ERCC6L2: variants seen among roughly 807,000 people sequenced by gnomAD.
ERCC6L2 encodes the protein DNA excision repair protein ERCC-6-like 2.
A neutral mutation model predicts 132.0 loss-of-function variants in ERCC6L2; 77 were observed. The ratio of observed to expected loss-of-function variants is 0.58; its 90% CI spans 0.49 to 0.71. The LOEUF (loss-of-function observed/expected upper bound fraction) is 0.71, where lower values mean the gene tolerates loss of function less well. Ranked by LOEUF, ERCC6L2 falls within the 30% of genes least tolerant of loss-of-function variation. The pLI is 0.00. For missense variants in ERCC6L2, 1,542 were observed against 1,837.6 expected (o/e 0.84, Z 2.94); for synonymous variants, 583 against 632.4 (o/e 0.92, Z 1.17).
At chr9:95,995,882 T>C (rs1833455076) in intron 17 of ERCC6L2, among the ~76,000 whole-genome samples, 1 of 152,214 alleles carries the variant, frequency 6.6e-6, no homozygotes, top group Non-Finnish European at 1.5e-5. Context: ...CCATTTTCCC[T>C]CTATCCCTCT....
At chr9:96,005,307 T>C (rs1833828867) in intron 18 of ERCC6L2, among the ~76,000 whole-genome samples, 2 of 151,392 alleles carry the variant, frequency 1.3e-5, no homozygotes, top group Non-Finnish European at 2.9e-5. Flanking sequence ...AGCGAGACTC[T>C]GTCTCAAAAA....
Position 96,017,807 on chromosome 9 carries a change from G to A in ERCC6L2, c.*4604G>A, listed in dbSNP as rs1834213383. ...TGTCCACGCATATTTGAACATCTGTGTTCATAGTGGCATTATTCACAATGG... is the reference window on the plus strand; with the variant it reads ...TGTCCACGCATATTTGAACATCTGTATTCATAGTGGCATTATTCACAATGG... On this transcript the variant is annotated 3_prime_UTR_variant, in exon 19 of 19. Transcript: ENST00000653738. Among the ~76,000 whole-genome samples the A allele has an allele frequency of 6.6e-6, 1 of 152,162 alleles. No individual in the cohort carries two copies. Among genetic ancestry groups the A allele is most frequent in the Non-Finnish European group, 1.5e-5 (1 of 68,038 alleles).
intron 19 of ERCC6L2, chr9:96,038,730 T>A (rs1309286940): frequency 2.5e-6 from 1 of 397,002 alleles, no homozygotes; most frequent in African/African-American, 2.1e-5. Context: ...GTGGTGGTTT[T>A]AAAATGTGTC....
chr9:95,905,344 C>T (rs1346340748), intron 3 of ERCC6L2, among the ~76,000 whole-genome samples: 3 of 152,056 alleles, frequency 2.0e-5, no homozygotes, highest in African/African-American at 7.2e-5. Context: ...TTTTGAAGAC[C>T]AATGTTTGTA....
chr9:96,007,636 C>T (rs550410258), intron 18 of ERCC6L2, among the ~76,000 whole-genome samples: 3 of 152,142 alleles, frequency 2.0e-5, no homozygotes, highest in Admixed American at 6.5e-5. Flanking sequence ...TTGCAAGGGC[C>T]GCATGGGAAG....
chr9:95,928,572 A>G (rs1245929724), intron 10 of ERCC6L2, 147 bp from the exon 11 acceptor site: 2 of 676,262 alleles, frequency 3.0e-6, no homozygotes, highest in Non-Finnish European at 4.6e-6. Flanking sequence ...ATGGGTCAGA[A>G]GTGAGAAAAA....
intron 17 of ERCC6L2, among the ~76,000 whole-genome samples, chr9:95,986,491 T>G (rs1833099345): frequency 7.0e-6 from 1 of 142,144 alleles, no homozygotes; most frequent in Non-Finnish European, 1.5e-5. Flanking sequence ...TTCATATATC[T>G]CTCTCCTTTT....
chr9:95,955,812 A>T, intron 12 of ERCC6L2, 102 bp from the exon 13 acceptor site: 1 of 550,732 alleles, frequency 1.8e-6, no homozygotes, highest in Non-Finnish European at 3.1e-6. Flanking sequence ...TTTTTAAATT[A>T]ATTAAAAATT....
At chr9:95,908,150 T>G (rs1829169127) in intron 4 of ERCC6L2, among the ~76,000 whole-genome samples, 1 of 152,144 alleles carries the variant, frequency 6.6e-6, no homozygotes, top group African/African-American at 2.4e-5. Flanking sequence ...ATGTGCTGAA[T>G]TGTGTCGCTT....
chr9:95,937,647 C>A (rs1442759686), intron 11 of ERCC6L2, among the ~76,000 whole-genome samples: 1 of 151,870 alleles, frequency 6.6e-6, no homozygotes, highest in Non-Finnish European at 1.5e-5. Flanking sequence ...TTATAGTATT[C>A]ATTTATCCTT....
intron 20 of ERCC6L2, among the ~76,000 whole-genome samples, chr9:96,040,784 A>C (rs1834569196): frequency 6.6e-6 from 1 of 152,228 alleles, no homozygotes; most frequent in African/African-American, 2.4e-5. Context: ...AACACTCTAG[A>C]AGTGAAAGGA....
intron 19 of ERCC6L2, among the ~76,000 whole-genome samples, chr9:96,028,416 T>G (rs997871012): frequency 6.6e-6 from 1 of 152,120 alleles, no homozygotes; most frequent in African/African-American, 2.4e-5. Flanking sequence ...TGTAACCTTT[T>G]TAAACCACTT....
At chr9:95,941,592 A>AG in intron 12 of ERCC6L2, 43 bp downstream of exon 12, 2 of 1,378,614 alleles carry the variant, frequency 1.5e-6, no homozygotes, top group Non-Finnish European at 2.1e-6. Context: ...AAATACTTTT[A>AG]ATCTAAAAAT....
chr9:95,981,230 A>G (rs1361850355), intron 17 of ERCC6L2, among the ~76,000 whole-genome samples: 1 of 152,196 alleles, frequency 6.6e-6, no homozygotes, highest in Non-Finnish European at 1.5e-5. Context: ...AATCCTAGAT[A>G]AGATCCTATG....
At chr9:96,020,778 G>A (rs755829936), downstream of ERCC6L2, 2 of 456,758 alleles carry the variant, frequency 4.4e-6, no homozygotes, top group Admixed American at 2.3e-5. Flanking sequence ...GGGAGTGGAC[G>A]GGCCTAAGAG....
chr9:96,020,826 G>T (rs1300842199), downstream of ERCC6L2: 7 of 456,636 alleles, frequency 1.5e-5, no homozygotes. Flanking sequence ...AGTCTCCCTT[G>T]GCCGTTAAAA....
chr9:96,040,458 C>A (rs1253747271), intron 20 of ERCC6L2, among the ~76,000 whole-genome samples: 6 of 152,200 alleles, frequency 3.9e-5, no homozygotes, highest in African/African-American at 1.4e-4. Context: ...CCTCTGATTC[C>A]AGGCAAGTCT....
chr9:95,883,730 C>T (rs1173270183), intron 2 of ERCC6L2, among the ~76,000 whole-genome samples: 4 of 152,172 alleles, frequency 2.6e-5, no homozygotes, highest in Non-Finnish European at 4.4e-5. Flanking sequence ...TGGTGGCCCA[C>T]GCCTGTAGTC....
Position 96,013,114 on chromosome 9 carries a change from C to T in ERCC6L2, c.4564C>T (p.Leu1522Phe). The stretch of plus-strand genomic sequence containing the variant: ...AAGGAGAGAAGAGCCAGCAACTTCT[C>T]TTTGGAAATCAAATGAGAAATTTTT... ...FKRREEPATSLWKSNEKFLWK... is the reference protein window; with the variant it reads ...FKRREEPATSFWKSNEKFLWK... Residue 1522 changes from leucine (L) to phenylalanine (F), a missense_variant, in exon 19 of 19, where the codon CTT becomes TTT. Physicochemically the swap from Leu to Phe is conservative, Grantham distance 22. This residue lies in a region of ERCC6L2 where 442 missense variants were observed against 583.4 expected (regional missense o/e 0.76). Coordinates refer to ENST00000653738, the MANE Select transcript of ERCC6L2 (RefSeq NM_020207.7). 1 of 1,367,396 alleles carries T rather than the reference C, an allele frequency of 7.3e-7. No homozygotes were observed. Among genetic ancestry groups the T allele is most frequent in the Non-Finnish European group, 9.8e-7 (1 of 1,021,808 alleles). The allele number at this position is 1,367,396 out of a possible 1,614,324, so 84.7% of individuals were successfully genotyped here.
Sources: gnomAD v4.1 joint callset for allele counts (sites outside exome capture counted in the v4.1 genomes callset) on GRCh38, gnomAD v4.1.1 for gene constraint, gnomAD v4.1.1 regional missense constraint, MANE v1.5 for transcripts, NCBI Gene and HGNC (gene_info 2026-07-23, HGNC 2026-07-21) for gene names.